The following IMMP2L variants were observed in gnomAD, a reference collection of about 807,000 sequenced individuals.
IMMP2L encodes the protein mitochondrial inner membrane protease subunit 2.
Under a neutral mutation model 19.3 loss-of-function variants are expected in IMMP2L, and 18 were observed. The ratio of observed to expected loss-of-function variants is 0.93; its 90% CI spans 0.64 to 1.38. The LOEUF (loss-of-function observed/expected upper bound fraction) is 1.38, where lower values mean the gene tolerates loss of function less well. Ranked by LOEUF, IMMP2L falls within the 40% of genes most tolerant of loss-of-function variation. The pLI is 0.00. For synonymous variants in IMMP2L, 76 were observed against 73.0 expected, an observed-to-expected ratio of 1.04 and a Z score of -0.21; for missense variants, 233 against 218.2, an observed-to-expected ratio of 1.07 and a Z score of -0.43.
At chr7:111,189,764 C>G (rs1202804081) in intron 3 of IMMP2L, among the ~76,000 whole-genome samples, 3 of 152,096 alleles carry the variant, frequency 2.0e-5, no homozygotes, top group Non-Finnish European at 2.9e-5. Context: ...GGTGCTTTCT[C>G]TACCTCCAAC....
At chr7:111,061,933 A>G (rs1253979486) in intron 3 of IMMP2L, among the ~76,000 whole-genome samples, 2 of 152,140 alleles carry the variant, frequency 1.3e-5, no homozygotes, top group Admixed American at 1.3e-4. Flanking sequence ...CTCAGGAAAT[A>G]TTATTCCTTC....
In IMMP2L at chr7:110,758,382, A is replaced by T. The variant is rs997087373; in HGVS notation, c.409-94661T>A. 1.3e-5 allele frequency among the ~76,000 whole-genome samples: 2 copies of T among 152,076 alleles called. No homozygotes were observed. The highest frequency in any genetic ancestry group is 2.4e-5 in the African/African-American group (1 of 41,432). Reference sequence around the variant, plus strand: ...GCAGAAGCAGAGAGACAGAGATTTTAAAAAATATATAGGATAACAAACAGC... The same window carrying T: ...GCAGAAGCAGAGAGACAGAGATTTTTAAAAATATATAGGATAACAAACAGC... On this transcript the variant is annotated intron_variant, in intron 5 of 5. Transcript: ENST00000405709. The surrounding 1 kb of genome is among the most constrained non-coding windows in gnomAD (Gnocchi z 4.6).
chr7:111,550,989 C>G (rs1160723756), intron 1 of IMMP2L, among the ~76,000 whole-genome samples: 1 of 152,108 alleles, frequency 6.6e-6, no homozygotes, highest in Non-Finnish European at 1.5e-5. Context: ...TGAGTTGATA[C>G]AAATTTGTTT....
chr7:111,210,536 C>A (rs1452777791), intron 3 of IMMP2L, among the ~76,000 whole-genome samples: 3 of 151,994 alleles, frequency 2.0e-5, no homozygotes, highest in Non-Finnish European at 4.4e-5. Context: ...TTCTCACTAC[C>A]ATTGGAAAGA....
intron 3 of IMMP2L, among the ~76,000 whole-genome samples, chr7:111,126,808 C>T (rs1281311752): frequency 6.6e-6 from 1 of 152,150 alleles, no homozygotes; most frequent in East Asian, 1.9e-4. Context: ...TTGTTTATCT[C>T]TCAAAGTTAC....
At chr7:111,299,990 G>T (rs1255190194) in intron 3 of IMMP2L, among the ~76,000 whole-genome samples, 10 of 152,160 alleles carry the variant, frequency 6.6e-5, no homozygotes, top group African/African-American at 2.4e-4. Flanking sequence ...CCCTAGAGAA[G>T]TGGAGTGGAA....
intron 3 of IMMP2L, among the ~76,000 whole-genome samples, chr7:111,463,808 G>A (rs955673243): frequency 6.6e-6 from 1 of 152,158 alleles, no homozygotes; most frequent in African/African-American, 2.4e-5. Flanking sequence ...TGTCCCCATT[G>A]AATGTACCGT....
chr7:110,681,406 A>C (rs571667427), intron 5 of IMMP2L, among the ~76,000 whole-genome samples: 3 of 152,246 alleles, frequency 2.0e-5, no homozygotes, highest in African/African-American at 7.2e-5. Context: ...GCAGAAAAAA[A>C]CAAACATTGC....
At chr7:110,776,342 G>A (rs539671595) in intron 5 of IMMP2L, among the ~76,000 whole-genome samples, 75 of 152,080 alleles carry the variant, frequency 4.9e-4, no homozygotes, top group Admixed American at 1.4e-3. Flanking sequence ...TAAGAGAGGC[G>A]GTTTCCCAGA....
chr7:111,536,289 T>C (rs1263509287), intron 1 of IMMP2L, among the ~76,000 whole-genome samples: 1 of 151,980 alleles, frequency 6.6e-6, no homozygotes, highest in Non-Finnish European at 1.5e-5. Flanking sequence ...GAAATATTGG[T>C]GGTGGGTTGT....
At chr7:111,392,991 A>G in intron 3 of IMMP2L, 1 of 374,606 alleles carries the variant, frequency 2.7e-6, no homozygotes, top group East Asian at 7.2e-5. Context: ...GTTTTTGTGG[A>G]GGCTGCATTA....
chr7:110,977,719 C>T (rs1820848064), intron 3 of IMMP2L, among the ~76,000 whole-genome samples: 1 of 151,774 alleles, frequency 6.6e-6, no homozygotes, highest in Non-Finnish European at 1.5e-5. Context: ...CTCTCTTTTC[C>T]TCTTTCCCTT....
At chr7:110,962,754 C>G (rs1354045300) in intron 4 of IMMP2L, 32 of 1,080,926 alleles carry the variant, frequency 3.0e-5, no homozygotes, top group Non-Finnish European at 2.9e-5. Context: ...AATATGTGTA[C>G]TATCATTAAT....
chr7:110,823,659 T>G (rs1396812793), intron 5 of IMMP2L, among the ~76,000 whole-genome samples: 2 of 152,120 alleles, frequency 1.3e-5, no homozygotes, highest in African/African-American at 4.8e-5. Context: ...CCTACTGTGA[T>G]GCAGTAAAGA....
At chr7:111,025,955 G>A (rs553417923) in intron 3 of IMMP2L, among the ~76,000 whole-genome samples, 3 of 151,806 alleles carry the variant, frequency 2.0e-5, no homozygotes, top group Non-Finnish European at 2.9e-5. Flanking sequence ...CAAGTTCCCC[G>A]GGTGTTTAAC....
chr7:110,855,350 T>C (rs1440954186), intron 5 of IMMP2L, among the ~76,000 whole-genome samples: 2 of 151,920 alleles, frequency 1.3e-5, no homozygotes, highest in African/African-American at 2.4e-5. Context: ...CTAATGCCTA[T>C]GGGGTGATAT....
chr7:111,082,569 T>G (rs764784746), intron 3 of IMMP2L, among the ~76,000 whole-genome samples: 1 of 152,110 alleles, frequency 6.6e-6, no homozygotes, highest in Non-Finnish European at 1.5e-5. Context: ...AACGAGTGGT[T>G]TCCTTAGTAA....
chr7:110,673,167 A>G (rs1385253766), intron 5 of IMMP2L, among the ~76,000 whole-genome samples: 1 of 152,208 alleles, frequency 6.6e-6, no homozygotes, highest in Non-Finnish European at 1.5e-5. Flanking sequence ...CTTGACTTCT[A>G]TGCATCTGCA....
chr7:110,963,413 G>T, intron 4 of IMMP2L, 87 bp downstream of exon 4: 1 of 922,622 alleles, frequency 1.1e-6, no homozygotes, highest in South Asian at 1.7e-5. Context: ...TGGCCCTCAT[G>T]GACTTCAGAT....
Sources: allele counts gnomAD v4.1 joint callset (sites outside exome capture counted in the v4.1 genomes callset), GRCh38; gene constraint gnomAD v4.1.1; non-coding constraint Gnocchi (gnomAD v3.1); transcripts MANE v1.5; gene names NCBI Gene and HGNC (gene_info 2026-07-23, HGNC 2026-07-21).